CUL3: variants seen among roughly 807,000 people sequenced by gnomAD.
CUL3 encodes the protein cullin 3, also known as cullin-3.
Under a neutral mutation model 89.1 loss-of-function variants are expected in CUL3, and 19 were observed. The ratio of observed to expected loss-of-function variants is 0.21; its 90% CI spans 0.15 to 0.31. The LOEUF (loss-of-function observed/expected upper bound fraction) is 0.31. CUL3 is among the 10% of genes least tolerant of loss of function. The pLI, the probability that CUL3 is intolerant of heterozygous loss-of-function variation, is 1.00. For synonymous variants in CUL3, 351 were observed against 308.4 expected, an observed-to-expected ratio of 1.14 and a Z score of -1.45; for missense variants, 469 against 942.3, an observed-to-expected ratio of 0.50 and a Z score of 6.58.
chr2:224,491,479 T>C (rs1691973791), intron 13 of CUL3, among the ~76,000 whole-genome samples: 1 of 152,350 alleles, frequency 6.6e-6, no homozygotes, highest in Middle Eastern at 3.4e-3. Context: ...GATTATCATG[T>C]ATTGCCAAAT....
At chr2:224,482,711 T>C (rs951264630) in intron 13 of CUL3, among the ~76,000 whole-genome samples, 1 of 152,158 alleles carries the variant, frequency 6.6e-6, no homozygotes, top group Non-Finnish European at 1.5e-5. Flanking sequence ...TAAAGTGTAA[T>C]ACTAGGGGAG....
chr2:224,518,309 C>T (rs1024171707), intron 3 of CUL3, among the ~76,000 whole-genome samples: 2 of 152,140 alleles, frequency 1.3e-5, no homozygotes, highest in Non-Finnish European at 1.5e-5. Context: ...ACAGTATTTC[C>T]TTCTGTTTAG....
At chr2:224,508,141 G>A (rs1415988237) in intron 6 of CUL3, among the ~76,000 whole-genome samples, 1 of 149,426 alleles carries the variant, frequency 6.7e-6, no homozygotes, top group African/African-American at 2.5e-5. Flanking sequence ...AACTGGTAGT[G>A]CACCAGGCAG....
chr2:224,576,308 T>C (rs568983924), intron 1 of CUL3, among the ~76,000 whole-genome samples: 2 of 152,250 alleles, frequency 1.3e-5, no homozygotes, highest in South Asian at 4.1e-4. Flanking sequence ...AGACCACAGC[T>C]AGTAAACAGA....
intron 1 of CUL3, among the ~76,000 whole-genome samples, chr2:224,558,562 C>T (rs1694798583): frequency 6.6e-6 from 1 of 152,150 alleles, no homozygotes; most frequent in Admixed American, 6.5e-5. Context: ...AGTTATTGTA[C>T]TCGAAGTATA....
Position 224,470,455 on chromosome 2 carries a change from T to A in CUL3, c.*3790A>T, listed in dbSNP as rs1374998618. On this transcript the variant is annotated 3_prime_UTR_variant, in exon 16 of 16. Transcript: ENST00000264414. Reference sequence around the variant, plus strand: ...TCCTAGTTGTTTTTCTCCTGAGAGCTGGCGTAATGGCCAATCTCTGTATCA... The same window carrying A: ...TCCTAGTTGTTTTTCTCCTGAGAGCAGGCGTAATGGCCAATCTCTGTATCA... 4 of 231,014 alleles carry A rather than the reference T, an allele frequency of 1.7e-5. No individual in the cohort carries two copies. Among genetic ancestry groups the A allele is most frequent in the Admixed American group, 5.6e-5 (1 of 17,728 alleles). 14.3% of individuals were successfully genotyped at this position (231,014 alleles called of 1,614,324 possible). A position where few individuals can be genotyped will look rare whatever the true frequency, so the allele number is the denominator to read the frequency against.
intron 3 of CUL3, among the ~76,000 whole-genome samples, chr2:224,516,882 T>C: frequency 6.6e-6 from 1 of 152,092 alleles, no homozygotes; most frequent in East Asian, 1.9e-4. Context: ...CCTAACCTCG[T>C]GATCCACCCA....
intron 1 of CUL3, among the ~76,000 whole-genome samples, chr2:224,575,403 G>A (rs1189040920): frequency 1.3e-5 from 2 of 152,122 alleles, no homozygotes; most frequent in East Asian, 3.9e-4. Flanking sequence ...TAGGTAGAAC[G>A]ATCCAAGATG....
intron 2 of CUL3, among the ~76,000 whole-genome samples, chr2:224,554,679 A>C (rs1228647003): frequency 7.2e-5 from 11 of 152,234 alleles, no homozygotes; most frequent in African/African-American, 1.9e-4. Context: ...AAAACATGTA[A>C]AAGCACTAGA....
chr2:224,566,006 A>G (rs1249436322), intron 1 of CUL3, among the ~76,000 whole-genome samples: 1 of 152,174 alleles, frequency 6.6e-6, no homozygotes, highest in Non-Finnish European at 1.5e-5. Context: ...CATAGCAATG[A>G]CAATCTTTTC....
chr2:224,558,583 C>G (rs1407445798), intron 1 of CUL3, among the ~76,000 whole-genome samples: 2 of 152,154 alleles, frequency 1.3e-5, no homozygotes, highest in Non-Finnish European at 2.9e-5. Context: ...GCATAAGGAC[C>G]AGACACATAA....
At chr2:224,489,394 C>T (rs1312381423) in intron 13 of CUL3, among the ~76,000 whole-genome samples, 2 of 152,228 alleles carry the variant, frequency 1.3e-5, no homozygotes, top group African/African-American at 4.8e-5. Context: ...AGCTGATAAG[C>T]AACTTGAGCA....
intron 13 of CUL3, among the ~76,000 whole-genome samples, chr2:224,488,540 C>G (rs1372218355): frequency 6.6e-6 from 1 of 152,266 alleles, no homozygotes; most frequent in African/African-American, 2.4e-5. Context: ...TTCCTGGACA[C>G]ATACACCCTC....
rs529109257 is a variant in CUL3 at position 224,496,171 on chromosome 2, T to C, written c.1708-205A>G. 3.9e-5 allele frequency among the ~76,000 whole-genome samples: 6 copies of C among 152,284 alleles called. No homozygotes were observed. In the East Asian group the frequency reaches 1.2e-3, roughly 29 times the overall value. On this transcript the variant is annotated intron_variant, in intron 12 of 15. Transcript: ENST00000264414. The stretch of plus-strand genomic sequence containing the variant: ...TTAGCCTCCCAAGTAACTAGGACCA[T>C]GTGTGTGCACCATCATGCCCAGCTA...
intron 3 of CUL3, among the ~76,000 whole-genome samples, chr2:224,522,379 A>G (rs1335114975): frequency 6.6e-6 from 1 of 151,990 alleles, no homozygotes; most frequent in South Asian, 2.1e-4. Context: ...ACTTTCCATG[A>G]TACCAGTAAC....
intron 5 of CUL3, among the ~76,000 whole-genome samples, chr2:224,511,900 A>G (rs1406724352): frequency 6.6e-6 from 1 of 152,202 alleles, no homozygotes; most frequent in Non-Finnish European, 1.5e-5. Context: ...TCTGACTCCA[A>G]GATACAGTGG....
In CUL3 at chr2:224,485,763, G is replaced by A. The variant is rs1234405384; in HGVS notation, c.1843-3685C>T. ...CAGCGCAGCACTCCAGCTCTGCGAA[G>A]GGACAGACTGCCTCCTCAAGTGGGT... is the stretch of plus-strand genomic sequence containing the variant. On this transcript the variant is annotated intron_variant, in intron 13 of 15. Transcript: ENST00000264414. This position sits in a 1 kb window ranked among gnomAD's most constrained non-coding sequence, Gnocchi z 4.1. Among the ~76,000 whole-genome samples the A allele has an allele frequency of 6.6e-6, 1 of 152,356 alleles. No homozygotes were observed. Among genetic ancestry groups the A allele is most frequent in the East Asian group, 1.9e-4 (1 of 5,178 alleles).
intron 4 of CUL3, among the ~76,000 whole-genome samples, 184 bp from the exon 5 acceptor site, chr2:224,513,822 C>T (rs1021795993): frequency 2.0e-5 from 3 of 152,160 alleles, no homozygotes; most frequent in Admixed American, 6.5e-5. Context: ...GAAAGCATAT[C>T]TTGACTGCAC....
chr2:224,530,041 A>G (rs1693633551), intron 3 of CUL3, among the ~76,000 whole-genome samples: 1 of 152,118 alleles, frequency 6.6e-6, no homozygotes. Flanking sequence ...GATCGAGACC[A>G]TGATGGCTAA....
Sources: gnomAD v4.1 joint callset for allele counts (sites outside exome capture counted in the v4.1 genomes callset) on GRCh38, gnomAD v4.1.1 for gene constraint, Gnocchi (gnomAD v3.1) non-coding constraint, MANE v1.5 for transcripts, NCBI Gene and HGNC (gene_info 2026-07-23, HGNC 2026-07-21) for gene names.